The following ASIC2 variants were observed in gnomAD, a reference collection of about 807,000 sequenced individuals.
The protein encoded by ASIC2 is acid sensing ion channel subunit 2, also known as acid-sensing ion channel 2.
ASIC2 carries 25 observed loss-of-function variants against 57.3 expected under a neutral mutation model. The observed-to-expected ratio is 0.44, with a 90% confidence interval of 0.32 to 0.61. The LOEUF (loss-of-function observed/expected upper bound fraction) is 0.61, where lower values mean the gene tolerates loss of function less well. Among genes scored for constraint, ASIC2 ranks in the 20% least tolerant of loss-of-function variants. The pLI, the probability that ASIC2 is intolerant of heterozygous loss-of-function variation, is 0.06. For missense variants in ASIC2, 641 were observed against 738.1 expected (o/e 0.87, Z 1.52); for synonymous variants, 319 against 307.5 (o/e 1.04, Z -0.39).
chr17:33,958,013 C>G (rs1425453565), intron 1 of ASIC2, among the ~76,000 whole-genome samples: 1 of 152,216 alleles, frequency 6.6e-6, no homozygotes, highest in Non-Finnish European at 1.5e-5. Flanking sequence ...AGGCCCCATG[C>G]AAGTCCAAAA....
At chr17:33,852,030 C>T (rs1439424572) in intron 1 of ASIC2, among the ~76,000 whole-genome samples, 2 of 152,228 alleles carry the variant, frequency 1.3e-5, no homozygotes. Flanking sequence ...AGGCTGTACT[C>T]AGTGACTCAG....
chr17:33,634,282 C>G (rs563825020), intron 1 of ASIC2, among the ~76,000 whole-genome samples: 6 of 152,198 alleles, frequency 3.9e-5, no homozygotes, highest in African/African-American at 1.4e-4. Context: ...AGATCAACCT[C>G]CCCCCTTCAG....
chr17:33,579,300 A>AT (rs1567657970), intron 1 of ASIC2, among the ~76,000 whole-genome samples: 1 of 150,980 alleles, frequency 6.6e-6, no homozygotes, highest in Non-Finnish European at 1.5e-5. Context: ...AAAAAAAAAA[A>AT]AAAATGCAGG....
At chr17:33,093,507 G>T (rs1465118307) in intron 2 of ASIC2, among the ~76,000 whole-genome samples, 1 of 152,118 alleles carries the variant, frequency 6.6e-6, no homozygotes. Flanking sequence ...ATGTACATGG[G>T]AGTTCTTGTT....
intron 1 of ASIC2, among the ~76,000 whole-genome samples, chr17:33,947,462 T>C (rs1904414682): frequency 1.3e-5 from 2 of 152,154 alleles, no homozygotes; most frequent in African/African-American, 4.8e-5. Flanking sequence ...TGTGGGAACA[T>C]AGAAGAGGAA....
At chr17:33,812,864 A>G (rs1432509688) in intron 1 of ASIC2, among the ~76,000 whole-genome samples, 1 of 152,142 alleles carries the variant, frequency 6.6e-6, no homozygotes, top group Non-Finnish European at 1.5e-5. Context: ...TGAACCTCTC[A>G]CTGGGTGTGG....
intron 1 of ASIC2, among the ~76,000 whole-genome samples, chr17:33,554,549 T>C (rs1402824910): frequency 6.6e-6 from 1 of 151,832 alleles, no homozygotes; most frequent in Admixed American, 6.6e-5. Context: ...GGGCCTGGGG[T>C]TGCCAGTTCA....
chr17:33,840,799 C>CCACA (rs10525634), intron 1 of ASIC2, among the ~76,000 whole-genome samples: 3,465 of 147,568 alleles, frequency 0.023, 86 homozygotes, highest in African/African-American at 0.056. Context: ...CCTGGACACA[C>CCACA]CACACACACA....
intron 1 of ASIC2, among the ~76,000 whole-genome samples, chr17:33,786,723 T>G (rs774328594): frequency 2.6e-5 from 4 of 152,174 alleles, no homozygotes; most frequent in African/African-American, 4.8e-5. Flanking sequence ...CCCTGGGTCA[T>G]TTTGCTGTAG....
intron 1 of ASIC2, among the ~76,000 whole-genome samples, chr17:33,681,226 C>T (rs550674220): frequency 6.6e-6 from 1 of 152,354 alleles, no homozygotes; most frequent in South Asian, 2.1e-4. Context: ...GATCATTTCA[C>T]TCCCCTTATT....
At chr17:33,889,544 TTC>T (rs1914912188) in intron 1 of ASIC2, among the ~76,000 whole-genome samples, 1 of 149,288 alleles carries the variant, frequency 6.7e-6, no homozygotes, top group Admixed American at 6.7e-5. Context: ...TGGAAAACAA[TTC>T]TCTCAGTTAT....
chr17:33,691,038 C>T (rs1227079209), intron 1 of ASIC2, among the ~76,000 whole-genome samples: 1 of 152,050 alleles, frequency 6.6e-6, no homozygotes, highest in African/African-American at 2.4e-5. Context: ...CGTGAAACAC[C>T]GTGCCCGGCC....
intron 1 of ASIC2, among the ~76,000 whole-genome samples, chr17:33,556,265 C>T (rs185740546): frequency 1.3e-5 from 2 of 152,186 alleles, no homozygotes; most frequent in Non-Finnish European, 1.5e-5. Flanking sequence ...TCTTAAAGAG[C>T]AAGTTACACA....
intron 1 of ASIC2, among the ~76,000 whole-genome samples, chr17:33,318,304 C>T (rs1008819688): frequency 9.9e-5 from 15 of 152,132 alleles, no homozygotes; most frequent in Admixed American, 6.5e-5. Flanking sequence ...TAATCTTCTC[C>T]ATTTGCATGT....
intron 1 of ASIC2, among the ~76,000 whole-genome samples, chr17:33,895,752 A>T (rs1032302409): frequency 6.6e-6 from 1 of 152,152 alleles, no homozygotes; most frequent in Admixed American, 6.5e-5. Flanking sequence ...CCATGCTGTG[A>T]TTTGGTATCT....
At chr17:34,012,323 C>T (rs1906799175) in intron 1 of ASIC2, among the ~76,000 whole-genome samples, 1 of 152,208 alleles carries the variant, frequency 6.6e-6, no homozygotes, top group South Asian at 2.1e-4. Context: ...GCAGTCCCAG[C>T]ATCTTTATAG....
intron 1 of ASIC2, among the ~76,000 whole-genome samples, chr17:33,474,043 G>A (rs945875661): frequency 8.5e-5 from 13 of 152,232 alleles, no homozygotes; most frequent in African/African-American, 3.1e-4. Context: ...ATGGAGGACA[G>A]GACTTTGAGT....
chr17:33,711,731 A>G (rs1208581902), intron 1 of ASIC2, among the ~76,000 whole-genome samples: 1 of 152,136 alleles, frequency 6.6e-6, no homozygotes, highest in Non-Finnish European at 1.5e-5. Flanking sequence ...ATCTTATGAG[A>G]ACTCACTCAC....
intron 1 of ASIC2, among the ~76,000 whole-genome samples, chr17:33,898,218 A>ATATT (rs1242866465): frequency 1.5e-5 from 1 of 67,828 alleles, no homozygotes. Flanking sequence ...TTCATGTATA[A>ATATT]TCTTTTTTTT....
Sources: allele counts gnomAD v4.1 joint callset (sites outside exome capture counted in the v4.1 genomes callset), GRCh38; gene constraint gnomAD v4.1.1; transcripts MANE v1.5; gene names NCBI Gene and HGNC (gene_info 2026-07-23, HGNC 2026-07-21).